Variants in PLCB1 observed in about 807,000 individuals in gnomAD.
PLCB1 encodes the protein 1-phosphatidylinositol 4,5-bisphosphate phosphodiesterase beta-1.
In PLCB1, 46 loss-of-function variants were observed where a neutral mutation model predicts 161.8. The ratio of observed to expected loss-of-function variants is 0.28; its 90% confidence interval spans 0.22 to 0.36. PLCB1 has a LOEUF of 0.36. Ranked by LOEUF, PLCB1 falls within the 10% of genes least tolerant of loss-of-function variation. PLCB1 has a pLI of 1.00. For missense variants in PLCB1, 1,016 were observed against 1,472.5 expected (o/e 0.69, Z 5.07); for synonymous variants, 517 against 503.7 (o/e 1.03, Z -0.35).
chr20:8,595,945 GTTGT>G (rs1200970398), intron 3 of PLCB1, among the ~76,000 whole-genome samples: 1 of 116,236 alleles, frequency 8.6e-6, no homozygotes, highest in African/African-American at 3.0e-5. Context: ...TTTTGATGGG[GTTGT>G]TTGTTTTTTT....
chr20:8,675,982 C>T (rs530562581), intron 9 of PLCB1, among the ~76,000 whole-genome samples: 1 of 152,210 alleles, frequency 6.6e-6, no homozygotes, highest in Non-Finnish European at 1.5e-5. Flanking sequence ...ACTTAAGGAA[C>T]AATCAGAACT....
intron 3 of PLCB1, among the ~76,000 whole-genome samples, chr20:8,523,496 C>CTCTATATA: frequency 1.5e-4 from 8 of 51,650 alleles, no homozygotes; most frequent in South Asian, 6.6e-4. Context: ...CTCTCTCTCT[C>CTCTATATA]TATATATATA....
At chr20:8,281,039 C>G (rs895701396) in intron 2 of PLCB1, among the ~76,000 whole-genome samples, 1 of 152,114 alleles carries the variant, frequency 6.6e-6, no homozygotes. Flanking sequence ...GCCTGTGTAC[C>G]TTTCTATGGC....
At chr20:8,588,314 A>G (rs1987049480) in intron 3 of PLCB1, among the ~76,000 whole-genome samples, 1 of 152,148 alleles carries the variant, frequency 6.6e-6, no homozygotes, top group Non-Finnish European at 1.5e-5. Flanking sequence ...CTCTTCAACA[A>G]ATGACACTTT....
intron 3 of PLCB1, among the ~76,000 whole-genome samples, chr20:8,515,246 G>A (rs929538912): frequency 6.6e-6 from 1 of 152,128 alleles, no homozygotes; most frequent in Non-Finnish European, 1.5e-5. Flanking sequence ...CAATTATAGA[G>A]CTGTTTCAGT....
chr20:8,349,847 G>A (rs577981385), intron 2 of PLCB1, among the ~76,000 whole-genome samples: 1 of 152,150 alleles, frequency 6.6e-6, no homozygotes, highest in East Asian at 1.9e-4. Context: ...AGTACTGAAT[G>A]TGGTCCAGTT....
intron 2 of PLCB1, among the ~76,000 whole-genome samples, chr20:8,217,693 G>A (rs1878771500): frequency 6.6e-6 from 1 of 152,136 alleles, no homozygotes; most frequent in African/African-American, 2.4e-5. Flanking sequence ...CAAAGTTTAT[G>A]TGCATTGGAA....
intron 23 of PLCB1, among the ~76,000 whole-genome samples, chr20:8,754,736 G>C (rs1017702986): frequency 2.0e-5 from 3 of 152,142 alleles, no homozygotes; most frequent in African/African-American, 7.2e-5. Flanking sequence ...TGGGTGTATA[G>C]GTCCCATGTA....
chr20:8,540,917 T>C (rs1985290013), intron 3 of PLCB1, among the ~76,000 whole-genome samples: 1 of 152,176 alleles, frequency 6.6e-6, no homozygotes, highest in African/African-American at 2.4e-5. Flanking sequence ...ATTTATTTTT[T>C]TTACTAATTT....
intron 31 of PLCB1, among the ~76,000 whole-genome samples, chr20:8,812,469 GA>G (rs1984874368): frequency 6.6e-6 from 1 of 152,176 alleles, no homozygotes; most frequent in Non-Finnish European, 1.5e-5. Context: ...ACAAGACAAA[GA>G]GGCTCCCTCT....
chr20:8,656,207 G>C (rs1303945359), intron 7 of PLCB1, among the ~76,000 whole-genome samples: 2 of 151,928 alleles, frequency 1.3e-5, no homozygotes, highest in African/African-American at 4.8e-5. Flanking sequence ...CTCTGTAAAT[G>C]GATTTAGCAA....
chr20:8,279,761 C>T (rs1982784328), intron 2 of PLCB1, among the ~76,000 whole-genome samples: 1 of 152,082 alleles, frequency 6.6e-6, no homozygotes, highest in Non-Finnish European at 1.5e-5. Flanking sequence ...CAAAATAATA[C>T]ATAAAATTAA....
At chr20:8,250,811 C>G (rs542182259) in intron 2 of PLCB1, among the ~76,000 whole-genome samples, 1 of 152,000 alleles carries the variant, frequency 6.6e-6, no homozygotes, top group African/African-American at 2.4e-5. Flanking sequence ...TTATTGAGCT[C>G]CCAACAATAT....
chr20:8,339,804 A>G (rs776262176), intron 2 of PLCB1, among the ~76,000 whole-genome samples: 10 of 152,188 alleles, frequency 6.6e-5, no homozygotes, highest in African/African-American at 9.7e-5. Context: ...TCAGAATGCT[A>G]TATTAAAAAG....
chr20:8,281,530 C>T (rs1982872645), intron 2 of PLCB1, among the ~76,000 whole-genome samples: 1 of 152,026 alleles, frequency 6.6e-6, no homozygotes, highest in Non-Finnish European at 1.5e-5. Flanking sequence ...AATCTTTACA[C>T]ACTAAAGAAC....
chr20:8,426,120 C>T (rs185630524), intron 3 of PLCB1, among the ~76,000 whole-genome samples: 11 of 152,190 alleles, frequency 7.2e-5, no homozygotes, highest in Middle Eastern at 3.4e-3. Flanking sequence ...GCCAGGGACA[C>T]GATGAAATGT....
chr20:8,664,489 GTAT>G (rs1284292438), intron 9 of PLCB1, among the ~76,000 whole-genome samples: 1 of 151,984 alleles, frequency 6.6e-6, no homozygotes, highest in East Asian at 1.9e-4. Context: ...TTTATTTAAA[GTAT>G]TATACAATTA....
At chr20:8,188,220 C>T (rs1238422678) in intron 2 of PLCB1, among the ~76,000 whole-genome samples, 1 of 152,070 alleles carries the variant, frequency 6.6e-6, no homozygotes, top group Non-Finnish European at 1.5e-5. Context: ...TACAAGAAAG[C>T]AAGACCAATG....
intron 3 of PLCB1, among the ~76,000 whole-genome samples, chr20:8,399,245 A>G (rs1023749032): frequency 6.6e-6 from 1 of 151,598 alleles, no homozygotes; most frequent in African/African-American, 2.4e-5. Flanking sequence ...CTTTTGCCCT[A>G]TCCTGGTATC....
Sources: allele counts gnomAD v4.1 joint callset (sites outside exome capture counted in the v4.1 genomes callset), GRCh38; gene constraint gnomAD v4.1.1; transcripts MANE v1.5; gene names NCBI Gene and HGNC (gene_info 2026-07-23, HGNC 2026-07-21).